Variants in PCDHGB4 observed in about 807,000 individuals in gnomAD.
PCDHGB4 encodes the protein protocadherin gamma subfamily B, 4.
PCDHGB4 carries 38 observed loss-of-function variants against 60.5 expected under a neutral mutation model. The observed-to-expected ratio is 0.63, with a 90% CI of 0.48 to 0.82. PCDHGB4 has a LOEUF of 0.82. Among genes scored for constraint, PCDHGB4 ranks in the 40% least tolerant of loss-of-function variants. The pLI is 0.00. For missense variants in PCDHGB4, 1,109 were observed against 1,209.6 expected, an observed-to-expected ratio of 0.92 and a Z score of 1.23; for synonymous variants, 456 against 509.7, an observed-to-expected ratio of 0.89 and a Z score of 1.42.
chr5:141,431,225 C>A lies in PCDHGB4; in HGVS notation c.2397+40944C>A. On this transcript the variant is annotated intron_variant, in intron 1 of 3. Coordinates refer to ENST00000519479, the MANE Select transcript of PCDHGB4 (RefSeq NM_003736.4). The surrounding 1 kb of genome is among the most constrained non-coding windows in gnomAD (Gnocchi z 4.8). ...CACTGAGATGCGGTTCCCTCTACCC[C>A]ACGCCTGGGATCCGGATATCGGGAA... The A allele has an allele frequency of 1.2e-6, 2 of 1,614,118 alleles. No individual in the cohort carries two copies. The highest frequency in any genetic ancestry group is 1.7e-6 in the Non-Finnish European group (2 of 1,180,036).
intron 1 of PCDHGB4, among the ~76,000 whole-genome samples, chr5:141,450,814 A>ATT (rs755856825): frequency 0.033 from 4,450 of 136,778 alleles, 81 homozygotes; most frequent in Middle Eastern, 0.081. Context: ...TTATTTATTT[A>ATT]ATATTATTAT....
Position 141,432,617 on chromosome 5 carries a change from G to A in PCDHGB4, c.2397+42336G>A. The A allele has an allele frequency of 6.2e-7, 1 of 1,613,694 alleles. No individual in the cohort carries two copies. Among genetic ancestry groups the A allele is most frequent in the South Asian group, 1.1e-5 (1 of 91,044 alleles). On this transcript the variant is annotated intron_variant, in intron 1 of 3. Coordinates refer to ENST00000519479, the MANE Select transcript of PCDHGB4 (RefSeq NM_003736.4). This position sits in a 1 kb window ranked among gnomAD's most constrained non-coding sequence, Gnocchi z 6.0. ...CAGCGAGCCGGGACTCTTCTCGGTGGGTCTGCACACGGGCGAGGTGCGCAC... is the reference window on the plus strand; with the variant it reads ...CAGCGAGCCGGGACTCTTCTCGGTGAGTCTGCACACGGGCGAGGTGCGCAC...
At chr5:141,415,863 GTGT>G in intron 1 of PCDHGB4, 1 of 1,107,154 alleles carries the variant, frequency 9.0e-7, no homozygotes, top group Non-Finnish European at 1.2e-6. Flanking sequence ...GTAGTTTATA[GTGT>G]TGTTGAGTAC....
intron 1 of PCDHGB4, 78 bp from the exon 2 acceptor site, chr5:141,494,729 C>CG: frequency 6.2e-7 from 1 of 1,610,168 alleles, no homozygotes; most frequent in South Asian, 1.1e-5. Context: ...CCTTCTCTCC[C>CG]GGCCCATCCC....
In PCDHGB4 at chr5:141,486,499, C is replaced by G. The variant is rs1487201957; in HGVS notation, c.2398-8308C>G. 2 of 1,614,010 alleles carry G rather than the reference C, an allele frequency of 1.2e-6. No homozygotes were observed. Among genetic ancestry groups the G allele is most frequent in the Non-Finnish European group, 1.7e-6 (2 of 1,179,874 alleles). On this transcript the variant is annotated intron_variant, in intron 1 of 3. Coordinates refer to ENST00000519479, the MANE Select transcript of PCDHGB4 (RefSeq NM_003736.4). This position sits in a 1 kb window ranked among gnomAD's most constrained non-coding sequence, Gnocchi z 5.0. ...CTCTCAGTACCCACAGAACTATTTT[C>G]CTCAATATTTCAGATGTGAATGATA...
At chr5:141,417,743 A>T in intron 1 of PCDHGB4, 2 of 1,419,054 alleles carry the variant, frequency 1.4e-6, no homozygotes, top group Non-Finnish European at 1.9e-6. Flanking sequence ...AGCACACCAG[A>T]TTGCCAGCTC....
At chr5:141,392,722 A>G in intron 1 of PCDHGB4, 1 of 1,389,524 alleles carries the variant, frequency 7.2e-7, no homozygotes, top group African/African-American at 1.5e-5. Context: ...AGGTTTCCGG[A>G]GGATTGTCAT....
In PCDHGB4 at chr5:141,491,797, G is replaced by T. The variant is rs537755017; in HGVS notation, c.2398-3010G>T. The stretch of plus-strand genomic sequence containing the variant: ...ATTGAACTTGCATCCACTCCTCTCC[G>T]GCCGGCTTGGTCGCTGGCTGCGCTC... On this transcript the variant is annotated intron_variant, in intron 1 of 3. Coordinates refer to ENST00000519479, the MANE Select transcript of PCDHGB4 (RefSeq NM_003736.4). The surrounding 1 kb of genome is among the most constrained non-coding windows in gnomAD (Gnocchi z 6.9). 2.0e-6 allele frequency: 3 copies of T among 1,506,818 alleles called. No homozygotes were observed. The highest frequency in any genetic ancestry group is 2.4e-5 in the Admixed American group (1 of 41,734). 93.3% of individuals were successfully genotyped at this position (1,506,818 alleles called of 1,614,324 possible). A position where few individuals can be genotyped will look rare whatever the true frequency, so the allele number is the denominator to read the frequency against.
chr5:141,433,283 T>A, intron 1 of PCDHGB4: 1 of 1,183,074 alleles, frequency 8.5e-7, no homozygotes, highest in Non-Finnish European at 1.2e-6. Flanking sequence ...AGCCTCAAAC[T>A]CCTAGGCTCA....
intron 1 of PCDHGB4, among the ~76,000 whole-genome samples, chr5:141,457,155 A>G (rs1403164805): frequency 1.3e-5 from 2 of 152,216 alleles, no homozygotes; most frequent in Admixed American, 6.5e-5. Flanking sequence ...AGAAGGTGCT[A>G]CCATGGATAA....
intron 1 of PCDHGB4, chr5:141,409,887 TGCTGTAC>T: frequency 6.2e-7 from 1 of 1,613,062 alleles, no homozygotes; most frequent in Non-Finnish European, 8.5e-7. Flanking sequence ...GCACCGCGGG[TGCTGTAC>T]CCAGCTCTGG....
rs780815400 is a variant in PCDHGB4, at chr5:141,390,163, C to CG, written c.2281dup (p.Glu761GlyfsTer3). ...CTATGTGTTGCACATACAGGAAAGA[C>CG]GGAGTTTAATTTCCTAAAATGTAGT... is the stretch of plus-strand genomic sequence containing the variant. On this transcript the variant is annotated frameshift_variant, in exon 1 of 4. Coordinates refer to ENST00000519479, the MANE Select transcript of PCDHGB4 (RefSeq NM_003736.4). LOFTEE classifies it high-confidence loss of function. 1.2e-6 allele frequency: 2 copies of CG among 1,613,992 alleles called. No individual in the cohort carries two copies. The highest frequency in any genetic ancestry group is 1.7e-5 in the Admixed American group (1 of 60,026).
chr5:141,423,693 G>A (rs114008539), intron 1 of PCDHGB4: 1 of 1,396,244 alleles, frequency 7.2e-7, no homozygotes, highest in Non-Finnish European at 9.4e-7. Flanking sequence ...CTAATTGTTG[G>A]TGTCTTGGCA....
chr5:141,478,199 C>T lies in PCDHGB4; in HGVS notation c.2398-16608C>T, dbSNP rs759439765. 3.7e-6 allele frequency: 6 copies of T among 1,614,056 alleles called. No homozygotes were observed. The Middle Eastern group carries it at 6.6e-4, about 178-fold the overall frequency. On this transcript the variant is annotated intron_variant, in intron 1 of 3. Coordinates refer to ENST00000519479, the MANE Select transcript of PCDHGB4 (RefSeq NM_003736.4). ...GAAAAAAAATCTCACCTTTTATCTA[C>T]TTCTTTCTCTAATCCTGGTTTCTGT...
At chr5:141,508,906 G>A (rs2099872897) in intron 3 of PCDHGB4, among the ~76,000 whole-genome samples, 1 of 152,092 alleles carries the variant, frequency 6.6e-6, no homozygotes, top group Non-Finnish European at 1.5e-5. Context: ...CGGGGCGGTG[G>A]CGGATCTGGC....
chr5:141,433,110 G>C (rs1031253372), intron 1 of PCDHGB4: 1 of 1,614,098 alleles, frequency 6.2e-7, no homozygotes, highest in Middle Eastern at 1.7e-4. Context: ...AGCCAGGAGA[G>C]CTTTGAAAAA....
At chr5:141,471,309 C>T (rs140651182) in intron 1 of PCDHGB4, 8,212 of 152,202 alleles carry the variant, frequency 0.054, 462 homozygotes, top group African/African-American at 0.15. Flanking sequence ...ACTCGGCCTC[C>T]CAAAGTGCTG....
At chr5:141,438,232 GT>G (rs531572606) in intron 1 of PCDHGB4, among the ~76,000 whole-genome samples, 207 of 152,154 alleles carry the variant, frequency 1.4e-3, no homozygotes, top group Middle Eastern at 0.01. Flanking sequence ...TCAGGAAAAT[GT>G]TTTTAAAAAA....
chr5:141,438,065 C>T (rs1385128405), intron 1 of PCDHGB4, among the ~76,000 whole-genome samples: 1 of 151,996 alleles, frequency 6.6e-6, no homozygotes, highest in Non-Finnish European at 1.5e-5. Flanking sequence ...TTTAAGAAAC[C>T]ATACTTAATG....
Sources: gnomAD v4.1 joint callset for allele counts (sites outside exome capture counted in the v4.1 genomes callset) on GRCh38, gnomAD v4.1.1 for gene constraint, Gnocchi (gnomAD v3.1) non-coding constraint, MANE v1.5 for transcripts, NCBI Gene and HGNC (gene_info 2026-07-23, HGNC 2026-07-21) for gene names.